RCL1: variants seen among roughly 807,000 people sequenced by gnomAD.
RCL1 encodes RNA terminal phosphate cyclase like 1, also known as RNA 3'-terminal phosphate cyclase-like protein.
In RCL1, 24 loss-of-function variants were observed where a neutral mutation model predicts 42.4. That is an observed-to-expected ratio of 0.57 (90% CI 0.41 to 0.80). The LOEUF is 0.80. RCL1 is among the 30% of genes least tolerant of loss of function. RCL1 has a pLI of 0.00. For missense variants in RCL1, 578 were observed against 467.9 expected (o/e 1.24, Z -2.17); for synonymous variants, 228 against 177.3 (o/e 1.29, Z -2.27).
At chr9:4,836,037 G>A (rs1432705379) in intron 5 of RCL1, among the ~76,000 whole-genome samples, 1 of 152,182 alleles carries the variant, frequency 6.6e-6, no homozygotes, top group East Asian at 1.9e-4. Flanking sequence ...AGGGTAAGGG[G>A]ATGGGCGGGG....
At chr9:4,838,342 T>G (rs1236529948) in intron 5 of RCL1, among the ~76,000 whole-genome samples, 4 of 152,220 alleles carry the variant, frequency 2.6e-5, no homozygotes, top group Non-Finnish European at 5.9e-5. Flanking sequence ...ACACAGTAGT[T>G]ACCTTTTACT....
intron 8 of RCL1, among the ~76,000 whole-genome samples, chr9:4,857,372 T>A (rs1364745853): frequency 2.0e-5 from 3 of 152,128 alleles, no homozygotes; most frequent in Non-Finnish European, 2.9e-5. Flanking sequence ...ATCTGGTCCT[T>A]TGTGACTGGA....
At chr9:4,856,741 C>G (rs772554272) in intron 8 of RCL1, among the ~76,000 whole-genome samples, 2 of 152,210 alleles carry the variant, frequency 1.3e-5, no homozygotes, top group Non-Finnish European at 2.9e-5. Context: ...TGAAGTTGCA[C>G]ATTCCTAGGT....
intron 1 of RCL1, among the ~76,000 whole-genome samples, chr9:4,810,972 G>GTA (rs145533191): frequency 0.013 from 2,053 of 152,216 alleles, 49 homozygotes; most frequent in African/African-American, 0.046. Flanking sequence ...TTTGATACAT[G>GTA]TATACAGTAT....
At chr9:4,849,396 T>C (rs762482759) in intron 7 of RCL1, 51 bp from the exon 8 acceptor site, 1 of 1,435,124 alleles carries the variant, frequency 7.0e-7, no homozygotes, top group Non-Finnish European at 9.8e-7. Context: ...CTCCTCTCTT[T>C]TGTTGGCTTT....
intron 8 of RCL1, among the ~76,000 whole-genome samples, chr9:4,856,228 T>C (rs1274413187): frequency 1.3e-5 from 2 of 152,102 alleles, no homozygotes; most frequent in Admixed American, 6.6e-5. Context: ...ATGGGGGAGA[T>C]GGTGGGATGG....
intron 7 of RCL1, among the ~76,000 whole-genome samples, chr9:4,845,828 T>C (rs946142227): frequency 1.3e-5 from 2 of 152,230 alleles, no homozygotes; most frequent in Non-Finnish European, 2.9e-5. Flanking sequence ...ATCATCTCTC[T>C]TCTTCCCCTA....
chr9:4,853,961 G>A (rs945393179), intron 8 of RCL1, among the ~76,000 whole-genome samples: 3 of 152,112 alleles, frequency 2.0e-5, no homozygotes, highest in Non-Finnish European at 1.5e-5. Flanking sequence ...GGGGAAACTG[G>A]GAACTGCCGG....
chr9:4,797,255 C>T (rs1048016681), intron 1 of RCL1, among the ~76,000 whole-genome samples: 9 of 152,292 alleles, frequency 5.9e-5, no homozygotes, highest in Admixed American at 5.2e-4. Flanking sequence ...CAGTGCCTGG[C>T]ACATAGGAAG....
intron 8 of RCL1, among the ~76,000 whole-genome samples, chr9:4,858,668 G>C (rs1295234734): frequency 1.3e-5 from 2 of 152,124 alleles, no homozygotes; most frequent in East Asian, 3.8e-4. Context: ...TTTATTTCTT[G>C]ACTCTCAATT....
At chr9:4,820,054 A>G (rs1393670437) in intron 1 of RCL1, among the ~76,000 whole-genome samples, 1 of 152,240 alleles carries the variant, frequency 6.6e-6, no homozygotes, top group Admixed American at 6.5e-5. Context: ...CTCTACTGGT[A>G]GCCACTATCC....
chr9:4,856,782 C>G (rs1181086553), intron 8 of RCL1, among the ~76,000 whole-genome samples: 2 of 152,192 alleles, frequency 1.3e-5, no homozygotes, highest in African/African-American at 4.8e-5. Flanking sequence ...GGGGATTTTT[C>G]TATGAGCATC....
chr9:4,795,615 T>G (rs1038264285), intron 1 of RCL1, among the ~76,000 whole-genome samples: 25 of 152,162 alleles, frequency 1.6e-4, no homozygotes, highest in African/African-American at 6.0e-4. Flanking sequence ...CCTTTCTGAC[T>G]TTTCCTAACT....
At chr9:4,820,702 C>CT (rs1253994998) in intron 1 of RCL1, among the ~76,000 whole-genome samples, 2 of 152,064 alleles carry the variant, frequency 1.3e-5, no homozygotes, top group African/African-American at 2.4e-5. Context: ...AAGGGCTTTC[C>CT]TTTTTTCTGC....
At chr9:4,846,622 G>A (rs1817524021) in intron 7 of RCL1, among the ~76,000 whole-genome samples, 1 of 152,154 alleles carries the variant, frequency 6.6e-6, no homozygotes, top group African/African-American at 2.4e-5. Context: ...TTGTTGTGCA[G>A]GATTTCTTTT....
intron 5 of RCL1, among the ~76,000 whole-genome samples, chr9:4,838,828 T>C (rs1187139533): frequency 1.3e-5 from 2 of 152,360 alleles, no homozygotes; most frequent in East Asian, 3.9e-4. Flanking sequence ...TCTCTGATTC[T>C]TGAAAGAATA....
chr9:4,846,558 A>T (rs1817521429), intron 7 of RCL1, among the ~76,000 whole-genome samples: 2 of 134,730 alleles, frequency 1.5e-5, no homozygotes, highest in South Asian at 5.3e-4. Context: ...TTTGTGGTCT[A>T]CTTATTTGTA....
intron 1 of RCL1, among the ~76,000 whole-genome samples, chr9:4,815,387 C>G (rs1816335634): frequency 6.6e-6 from 1 of 151,174 alleles, no homozygotes; most frequent in South Asian, 2.1e-4. Context: ...TTGATCATGT[C>G]TGCTATTTTA....
At chr9:4,850,229 T>C (rs1817684611) in intron 8 of RCL1, 2 of 498,140 alleles carry the variant, frequency 4.0e-6, no homozygotes, top group African/African-American at 1.9e-5. Context: ...TACTTGGAGA[T>C]CATCATATGG....
Sources: allele counts gnomAD v4.1 joint callset (sites outside exome capture counted in the v4.1 genomes callset), GRCh38; gene constraint gnomAD v4.1.1; transcripts MANE v1.5; gene names NCBI Gene and HGNC (gene_info 2026-07-23, HGNC 2026-07-21).